The following DYM variants were observed in gnomAD, a reference collection of about 807,000 sequenced individuals.
DYM encodes dyggve-Melchior-Clausen syndrome protein.
A neutral mutation model predicts 93.1 loss-of-function variants in DYM; 78 were observed. That is an observed-to-expected ratio of 0.84 (90% confidence interval 0.70 to 1.01). DYM has a LOEUF of 1.01. Among genes scored for constraint, DYM ranks in the 50% least tolerant of loss-of-function variants. The pLI, the probability that DYM is intolerant of heterozygous loss-of-function variation, is 0.00. For missense variants in DYM, 789 were observed against 845.0 expected, an observed-to-expected ratio of 0.93 and a Z score of 0.82; for synonymous variants, 321 against 319.7, an observed-to-expected ratio of 1.00 and a Z score of -0.04.
intron 16 of DYM, among the ~76,000 whole-genome samples, chr18:49,100,744 G>A (rs1029117027): frequency 2.0e-5 from 3 of 152,134 alleles, no homozygotes; most frequent in African/African-American, 7.2e-5. Context: ...TAATTCTCAT[G>A]ACAATCCCAT....
At chr18:49,382,230 TTCAC>T (rs1241489710) in intron 3 of DYM, among the ~76,000 whole-genome samples, 1 of 152,188 alleles carries the variant, frequency 6.6e-6, no homozygotes, top group Non-Finnish European at 1.5e-5. Flanking sequence ...TCTTCACTGA[TTCAC>T]TCAATCAGCG....
At chr18:49,375,445 C>T (rs1197117309) in intron 5 of DYM, among the ~76,000 whole-genome samples, 1 of 151,906 alleles carries the variant, frequency 6.6e-6, no homozygotes, top group Non-Finnish European at 1.5e-5. Flanking sequence ...TCCCCTTCCC[C>T]CTATCCCCCA....
intron 14 of DYM, among the ~76,000 whole-genome samples, chr18:49,176,830 A>G (rs1164337779): frequency 1.3e-5 from 2 of 152,138 alleles, no homozygotes. Flanking sequence ...TTTCATGGAC[A>G]ATGGATTTTA....
chr18:49,095,451 T>C (rs971404193), intron 17 of DYM, among the ~76,000 whole-genome samples: 7 of 151,826 alleles, frequency 4.6e-5, no homozygotes, highest in African/African-American at 1.7e-4. Context: ...GATAGTGTTT[T>C]TTTTTTTTTG....
intron 1 of DYM, among the ~76,000 whole-genome samples, chr18:49,441,173 A>ATTATAT (rs1424496046): frequency 9.6e-4 from 19 of 19,690 alleles, no homozygotes; most frequent in Admixed American, 1.4e-3. Flanking sequence ...TATATTATAT[A>ATTATAT]ATTATATATT....
chr18:49,336,953 C>T (rs1158976374), intron 6 of DYM, among the ~76,000 whole-genome samples: 1 of 152,162 alleles, frequency 6.6e-6, no homozygotes, highest in Non-Finnish European at 1.5e-5. Flanking sequence ...ATATATGAGA[C>T]TCTAGCTAGA....
chr18:49,447,145 A>G (rs1243550420), intron 1 of DYM: 1 of 152,238 alleles, frequency 6.6e-6, no homozygotes, highest in Admixed American at 6.5e-5. Flanking sequence ...TCCAAAGCAG[A>G]GAACAGCACG....
At chr18:49,102,830 C>G (rs1025772104) in intron 16 of DYM, among the ~76,000 whole-genome samples, 12 of 152,192 alleles carry the variant, frequency 7.9e-5, no homozygotes, top group East Asian at 1.9e-4. Flanking sequence ...GGACATTTGG[C>G]TTGGTTCCAA....
At chr18:49,176,792 A>G in intron 14 of DYM, among the ~76,000 whole-genome samples, 1 of 152,136 alleles carries the variant, frequency 6.6e-6, no homozygotes, top group South Asian at 2.1e-4. Flanking sequence ...TAATTTATCT[A>G]AAAAGCACTT....
intron 17 of DYM, chr18:49,097,145 T>G: frequency 1.9e-6 from 1 of 538,852 alleles, no homozygotes; most frequent in East Asian, 3.2e-5. Flanking sequence ...TTCACTGGGT[T>G]AAAAAAATAA....
At chr18:49,328,132 T>C (rs2063036862) in intron 8 of DYM, among the ~76,000 whole-genome samples, 3 of 152,232 alleles carry the variant, frequency 2.0e-5, no homozygotes, top group East Asian at 1.9e-4. Flanking sequence ...GATGAGCCTA[T>C]TATGAGAATA....
At chr18:49,447,712 T>G (rs1784255550) in intron 1 of DYM, among the ~76,000 whole-genome samples, 2 of 152,196 alleles carry the variant, frequency 1.3e-5, no homozygotes, top group South Asian at 4.1e-4. Context: ...ACTTTCCTAT[T>G]GTAATCTCCT....
intron 13 of DYM, among the ~76,000 whole-genome samples, chr18:49,240,336 TTATA>T (rs777874320): frequency 6.6e-6 from 1 of 152,150 alleles, no homozygotes; most frequent in Non-Finnish European, 1.5e-5. Flanking sequence ...CATATGTCAG[TTATA>T]CTGACAGATA....
At chr18:49,163,535 G>C (rs1040059345) in intron 15 of DYM, 150 bp downstream of exon 15, 2 of 566,954 alleles carry the variant, frequency 3.5e-6, no homozygotes, top group Admixed American at 2.4e-5. Flanking sequence ...TAGTAGAGAT[G>C]GGGTTTCACC....
rs371026332 is a variant in DYM at position 49,425,988 on chromosome 18, C to T, written c.140+4267G>A. 2.8e-4 allele frequency among the ~76,000 whole-genome samples: 42 copies of T among 152,046 alleles called. No individual in the cohort carries two copies. The East Asian group carries it at 2.9e-3, about 11-fold the overall frequency. The stretch of plus-strand genomic sequence containing the variant: ...TCAACCATTGTGGAAGTCAGTGTGG[C>T]GATTCCTCAGGGATCTAGAACTAGA... On this transcript the variant is annotated intron_variant, in intron 2 of 17. Transcript: ENST00000675505.
intron 17 of DYM, among the ~76,000 whole-genome samples, chr18:49,091,051 C>A (rs1253534758): frequency 6.6e-6 from 1 of 152,148 alleles, no homozygotes; most frequent in Non-Finnish European, 1.5e-5. Flanking sequence ...AAAAGCTGAC[C>A]TTTTAAGAGT....
intron 7 of DYM, among the ~76,000 whole-genome samples, chr18:49,332,344 C>T (rs1411996109): frequency 2.0e-5 from 3 of 152,184 alleles, no homozygotes; most frequent in East Asian, 1.9e-4. Flanking sequence ...TCAAGCGATC[C>T]TCCCGCTTCA....
At chr18:49,186,061 T>C (rs1435828740) in intron 14 of DYM, among the ~76,000 whole-genome samples, 1 of 152,178 alleles carries the variant, frequency 6.6e-6, no homozygotes, top group East Asian at 1.9e-4. Context: ...TTAATAATAA[T>C]GGGATAACCA....
Position 49,221,813 on chromosome 18 carries a change from G to A in DYM, c.1461-12098C>T, listed in dbSNP as rs566088324. Among the ~76,000 whole-genome samples, 9 of 152,092 alleles carry A rather than the reference G, an allele frequency of 5.9e-5. No homozygotes were observed. The South Asian group carries it at 1.7e-3, about 28-fold the overall frequency. On this transcript the variant is annotated intron_variant, in intron 13 of 17. Transcript: ENST00000675505. ...GGAGATATACCTAATGCTAAATGAC[G>A]AGTTAATGGGTGGAGCACACCAGCA...
Sources: allele counts gnomAD v4.1 joint callset (sites outside exome capture counted in the v4.1 genomes callset), GRCh38; gene constraint gnomAD v4.1.1; transcripts MANE v1.5; gene names NCBI Gene and HGNC (gene_info 2026-07-23, HGNC 2026-07-21).